Variants in TCIRG1 observed in about 807,000 individuals in gnomAD.
The protein encoded by TCIRG1 is T cell immune regulator 1, ATPase H+ transporting V0 subunit a3, also known as V-type proton ATPase 116 kDa subunit a 3.
Under a neutral mutation model 95.5 loss-of-function variants are expected in TCIRG1, and 86 were observed. That is an observed-to-expected ratio of 0.90 (90% CI 0.76 to 1.08). TCIRG1 has a LOEUF of 1.08. Ranked by LOEUF, TCIRG1 falls within the 50% of genes least tolerant of loss-of-function variation. The pLI is 0.00. For missense variants in TCIRG1, 1,069 were observed against 1,140.2 expected (o/e 0.94, Z 0.90); for synonymous variants, 499 against 501.3 (o/e 1.00, Z 0.06).
chr11:68,046,869 T>C (rs909710984), intron 10 of TCIRG1: 8 of 456,162 alleles, frequency 1.8e-5, no homozygotes, highest in African/African-American at 1.2e-4. Flanking sequence ...TTCCTGTGGC[T>C]CCAGCAGCTG....
At chr11:68,044,899 T>C (rs753052543) in intron 9 of TCIRG1, 59 bp from the exon 10 acceptor site, 16 of 1,599,224 alleles carry the variant, frequency 1.0e-5, no homozygotes, top group Non-Finnish European at 1.4e-5. Flanking sequence ...TGGCTGGAGA[T>C]CCCAGGGTCC....
At chr11:68,040,615 G>A (rs879682164) in intron 1 of TCIRG1, among the ~76,000 whole-genome samples, 4 of 152,186 alleles carry the variant, frequency 2.6e-5, no homozygotes, top group Non-Finnish European at 5.9e-5. Flanking sequence ...AGGGCGGGTT[G>A]GAGGTGGCCT....
chr11:68,043,116 T>C, intron 5 of TCIRG1, 85 bp downstream of exon 5: 1 of 1,546,152 alleles, frequency 6.5e-7, no homozygotes, highest in Non-Finnish European at 8.7e-7. Flanking sequence ...GAGCTCCGAC[T>C]CCTTGTCCAG....
chr11:68,049,486 C>T (rs1233635212), intron 15 of TCIRG1, 177 bp from the exon 16 acceptor site: 4 of 1,030,696 alleles, frequency 3.9e-6, no homozygotes, highest in Non-Finnish European at 5.6e-6. Context: ...ACCGGGGGTC[C>T]CTTCCCTCAG....
rs565189093 is a variant in TCIRG1 at position 68,049,526 on chromosome 11, G to C, written c.1888-137G>C. 26 of 1,268,836 alleles carry C rather than the reference G, an allele frequency of 2.0e-5. No individual in the cohort carries two copies. In the African/African-American group the frequency reaches 3.8e-4, roughly 19 times the overall value. The allele number at this position is 1,268,836 out of a possible 1,614,324, so 78.6% of individuals were successfully genotyped here. On this transcript the variant is annotated intron_variant, in intron 15 of 19. Coordinates refer to ENST00000265686, the MANE Select transcript of TCIRG1 (RefSeq NM_006019.4). ...CCTTATGGAGGCAGACCCTCACCCAGTGAGGGCACGGAGCCCCCGGGGGCC... is the reference window on the plus strand; with the variant it reads ...CCTTATGGAGGCAGACCCTCACCCACTGAGGGCACGGAGCCCCCGGGGGCC...
At chr11:68,046,966 G>A (rs1286870001) in intron 10 of TCIRG1, 1 of 455,836 alleles carries the variant, frequency 2.2e-6, no homozygotes, top group Admixed American at 2.4e-5. Flanking sequence ...GAGAGGTGAA[G>A]TGGCTGGGCC....
Position 68,047,937 on chromosome 11 carries a change from G to A in TCIRG1, c.1519G>A (p.Val507Ile), listed in dbSNP as rs1466393887. Residue 507 changes from valine to isoleucine, a missense_variant, in exon 13 of 20, where the codon GTC (valine) becomes ATC (isoleucine). Physicochemically the swap from Val to Ile is conservative, Grantham distance 29. Coordinates refer to ENST00000265686, the MANE Select transcript of TCIRG1 (RefSeq NM_006019.4). ...MLTLDPNVTG[V>I]FLGPYPFGID... is the part of the protein sequence containing the mutation. Reference sequence around the variant, plus strand: ...TACCCTGGATCCCAACGTCACCGGTGTCTTCCTGGGACCCTACCCCTTTGG... The same window carrying A: ...TACCCTGGATCCCAACGTCACCGGTATCTTCCTGGGACCCTACCCCTTTGG... 1 of 1,613,858 alleles carries A rather than the reference G, an allele frequency of 6.2e-7. No individual in the cohort carries two copies. The highest frequency in any genetic ancestry group is 1.1e-5 in the South Asian group (1 of 91,088).
In TCIRG1 at chr11:68,047,501, C is replaced by T; in HGVS notation, c.1234C>T (p.Leu412Phe). 1 of 1,614,064 alleles carries T rather than the reference C, an allele frequency of 6.2e-7. No homozygotes were observed. The highest frequency in any genetic ancestry group is 8.5e-7 in the Non-Finnish European group (1 of 1,180,014). ...VMFGDVGHGL[L>F]MFLFALAMVL... is the part of the protein sequence containing the mutation. ...GTTCGGGGATGTGGGCCACGGGCTGCTCATGTTCCTGTTCGCCCTGGCCAT... is the reference window on the plus strand; with the variant it reads ...GTTCGGGGATGTGGGCCACGGGCTGTTCATGTTCCTGTTCGCCCTGGCCAT... The change falls in exon 11 of 20, where the codon CTC (leucine) becomes TTC (phenylalanine). Residue 412 changes from leucine (L) to phenylalanine (F), a missense_variant. Coordinates refer to ENST00000265686, the MANE Select transcript of TCIRG1 (RefSeq NM_006019.4).
In TCIRG1 at chr11:68,049,961, G is replaced by C; in HGVS notation, c.2014-1G>C. The C allele has an allele frequency of 6.2e-7, 1 of 1,609,786 alleles. No individual in the cohort carries two copies. On this transcript the variant is annotated splice_acceptor_variant, in intron 16 of 19. Transcript: ENST00000265686. LOFTEE classifies it high-confidence loss of function. ...GCCAACACTGCCTGCTCATGCCCCAGGAGGAAAACAAGGCCGGGTTGCTGG... is the reference window on the plus strand; with the variant it reads ...GCCAACACTGCCTGCTCATGCCCCACGAGGAAAACAAGGCCGGGTTGCTGG...
Position 68,047,809 on chromosome 11 carries a change from G to T in TCIRG1, c.1463+5G>T. On this transcript the variant is annotated splice_donor_5th_base_variant and intron_variant, in intron 12 of 19. Coordinates refer to ENST00000265686, the MANE Select transcript of TCIRG1 (RefSeq NM_006019.4). ...GGCCAACCAGTCTGGCTGGAGGTGAGGCCCGGGCCCCAGCCCGGCTGGGGG... is the reference window on the plus strand; with the variant it reads ...GGCCAACCAGTCTGGCTGGAGGTGATGCCCGGGCCCCAGCCCGGCTGGGGG... The T allele has an allele frequency of 6.2e-7, 1 of 1,612,312 alleles. No individual in the cohort carries two copies. Among genetic ancestry groups the T allele is most frequent in the Non-Finnish European group, 8.5e-7 (1 of 1,179,422 alleles).
downstream of TCIRG1, chr11:68,050,913 T>G: frequency 2.1e-5 from 29 of 1,391,552 alleles, no homozygotes; most frequent in Non-Finnish European, 2.8e-5. Context: ...CTCGTCTCTC[T>G]TCCCTCCTTT....
Position 68,050,807 on chromosome 11 carries a change from C to T in TCIRG1, c.2481C>T (p.Ala827=). ...GYKLSPFTFA[A]TDD ...AGCTGAGTCCCTTCACCTTCGCTGC[C>T]ACAGATGACTAGGGCCCACTGCAGG... The change falls in exon 20 of 20, where the codon GCC becomes GCT. Residue 827 remains alanine, a synonymous_variant. Coordinates refer to ENST00000265686, the MANE Select transcript of TCIRG1 (RefSeq NM_006019.4). The T allele has an allele frequency of 6.2e-7, 1 of 1,613,568 alleles. No individual in the cohort carries two copies.
At chr11:68,039,342 T>C (rs957416631) in intron 1 of TCIRG1, among the ~76,000 whole-genome samples, 3 of 151,996 alleles carry the variant, frequency 2.0e-5, no homozygotes, top group African/African-American at 7.3e-5. Context: ...TTCCCGGGCC[T>C]GGTGTGCGCG....
chr11:68,050,701 G>GT lies in TCIRG1; in HGVS notation c.2414+38dup, dbSNP rs759272346. 2.5e-6 allele frequency: 4 copies of GT among 1,613,702 alleles called. No individual in the cohort carries two copies. In the South Asian group the frequency reaches 3.3e-5, roughly 13 times the overall value. ...CCCACTGGCCTGGGCTGCTCAAGGC[G>GT]TGAGTTCCCCTCACCAACCCCTCTG... On this transcript the variant is annotated intron_variant, in intron 19 of 19. Transcript: ENST00000265686.
In TCIRG1 at chr11:68,049,750, C is replaced by G. The variant is rs771700981; in HGVS notation, c.1975C>G (p.His659Asp). 2 of 1,578,636 alleles carry G rather than the reference C, an allele frequency of 1.3e-6. No homozygotes were observed. The highest frequency in any genetic ancestry group is 1.7e-6 in the Non-Finnish European group (2 of 1,168,706). ...CACACCCCTGCACCTGCTGCACCGC[C>G]ACCGCCGCCGCCTGCGGAGGAGGCC... ...LGTPLHLLHR[H>D]RRRLRRRPAD... Residue 659 changes from histidine (H) to aspartate (D), a missense_variant, in exon 16 of 20, where the codon CAC (histidine) becomes GAC (aspartate). By Grantham distance (81) the His-to-Asp change is moderately conservative (BLOSUM62 -1). Transcript: ENST00000265686.
downstream of TCIRG1, chr11:68,053,452 A>G (rs573923965): frequency 6.5e-6 from 1 of 153,492 alleles, no homozygotes; most frequent in South Asian, 2.0e-4. Context: ...AAGAGGGTAA[A>G]GGAGCAGCTT....
chr11:68,040,442 G>A (rs1855101856), intron 1 of TCIRG1, among the ~76,000 whole-genome samples: 1 of 152,216 alleles, frequency 6.6e-6, no homozygotes, highest in Admixed American at 6.5e-5. Flanking sequence ...CCTGTTTAGA[G>A]TTAAGTAAAC....
chr11:68,049,282 C>G lies in TCIRG1; in HGVS notation c.1875C>G (p.Leu625=), dbSNP rs758830999. The change falls in exon 15 of 20, where the codon CTC becomes CTG. Residue 625 remains leucine (L), a synonymous_variant. Coordinates refer to ENST00000265686, the MANE Select transcript of TCIRG1 (RefSeq NM_006019.4). ...CCCACAGCCCCAGCAACAGGCTGCT[C>G]TACCCCCGGCAGGTGGGCTGCGGCT... The part of the protein sequence containing the change: ...LFSHSPSNRL[L]YPRQEVVQAT... 42 of 1,608,738 alleles carry G rather than the reference C, an allele frequency of 2.6e-5. No individual in the cohort carries two copies. Among genetic ancestry groups the G allele is most frequent in the Non-Finnish European group, 2.3e-5 (27 of 1,177,084 alleles).
chr11:68,045,355 G>A (rs1325254691), intron 10 of TCIRG1, among the ~76,000 whole-genome samples: 3 of 152,250 alleles, frequency 2.0e-5, no homozygotes, highest in Non-Finnish European at 4.4e-5. Context: ...AACAGAGGCT[G>A]TGCGGTGGGC....
Sources: allele counts gnomAD v4.1 joint callset (sites outside exome capture counted in the v4.1 genomes callset), GRCh38; gene constraint gnomAD v4.1.1; transcripts MANE v1.5; gene names NCBI Gene and HGNC (gene_info 2026-07-23, HGNC 2026-07-21).